The following ST6GALNAC3 variants were observed in gnomAD, a reference collection of about 807,000 sequenced individuals.
ST6GALNAC3 encodes the protein alpha-N-acetylgalactosaminide alpha-2,6-sialyltransferase 3.
ST6GALNAC3 carries 25 observed loss-of-function variants against 32.7 expected under a neutral mutation model. That is an observed-to-expected ratio of 0.76 (90% CI 0.56 to 1.07). ST6GALNAC3 has a LOEUF of 1.07. ST6GALNAC3 is among the 50% of genes least tolerant of loss of function. The pLI, the probability that ST6GALNAC3 is intolerant of heterozygous loss-of-function variation, is 0.00. For synonymous variants in ST6GALNAC3, 129 were observed against 133.1 expected, an observed-to-expected ratio of 0.97 and a Z score of 0.21; for missense variants, 355 against 382.4, an observed-to-expected ratio of 0.93 and a Z score of 0.60.
At chr1:76,406,724 A>T (rs953268648) in intron 2 of ST6GALNAC3, among the ~76,000 whole-genome samples, 1 of 151,984 alleles carries the variant, frequency 6.6e-6, no homozygotes, top group Non-Finnish European at 1.5e-5. Context: ...GAAAATCAGT[A>T]ATAATTATTT....
intron 3 of ST6GALNAC3, among the ~76,000 whole-genome samples, chr1:76,444,427 A>G (rs961514382): frequency 2.6e-5 from 4 of 152,248 alleles, no homozygotes; most frequent in African/African-American, 9.6e-5. Flanking sequence ...AGAGTACAGT[A>G]AACAACAGGC....
intron 1 of ST6GALNAC3, among the ~76,000 whole-genome samples, chr1:76,199,344 C>A (rs1654394639): frequency 6.6e-6 from 1 of 152,214 alleles, no homozygotes; most frequent in South Asian, 2.1e-4. Context: ...GGAGACACAT[C>A]TTTCTAGGCA....
At chr1:76,417,117 A>C (rs1468576829) in intron 3 of ST6GALNAC3, among the ~76,000 whole-genome samples, 2 of 152,008 alleles carry the variant, frequency 1.3e-5, no homozygotes, top group Non-Finnish European at 2.9e-5. Context: ...TGGCTTGTCA[A>C]TTAGACAGGG....
At chr1:76,400,826 C>T (rs924704323) in intron 2 of ST6GALNAC3, among the ~76,000 whole-genome samples, 3 of 149,114 alleles carry the variant, frequency 2.0e-5, no homozygotes, top group Non-Finnish European at 2.9e-5. Flanking sequence ...ACCTGGGAGG[C>T]AGAGGCTGCA....
At chr1:76,179,083 A>G (rs972542099) in intron 1 of ST6GALNAC3, among the ~76,000 whole-genome samples, 2 of 152,060 alleles carry the variant, frequency 1.3e-5, no homozygotes, top group Non-Finnish European at 2.9e-5. Context: ...TGGTACCAGA[A>G]CCTTTACTTT....
chr1:76,138,296 T>C (rs1303306310), intron 1 of ST6GALNAC3, among the ~76,000 whole-genome samples: 1 of 152,164 alleles, frequency 6.6e-6, no homozygotes, highest in Non-Finnish European at 1.5e-5. Context: ...CCCTTAGTGC[T>C]TTTGTGAGGT....
intron 3 of ST6GALNAC3, among the ~76,000 whole-genome samples, chr1:76,584,571 T>C (rs1341666893): frequency 6.6e-6 from 1 of 152,228 alleles, no homozygotes; most frequent in Non-Finnish European, 1.5e-5. Context: ...ATGCATTAGG[T>C]ATCTCTGATT....
At chr1:76,411,200 A>G (rs1415575752) in intron 2 of ST6GALNAC3, among the ~76,000 whole-genome samples, 1 of 152,150 alleles carries the variant, frequency 6.6e-6, no homozygotes, top group East Asian at 1.9e-4. Flanking sequence ...GTGGGCTTAG[A>G]GTTAGACGAT....
chr1:76,438,251 G>A (rs925725755), intron 3 of ST6GALNAC3, among the ~76,000 whole-genome samples: 5 of 151,060 alleles, frequency 3.3e-5, no homozygotes, highest in South Asian at 2.1e-4. Flanking sequence ...TCCCGGGTTC[G>A]CGCCATTCTC....
chr1:76,618,948 A>G (rs567858337), intron 3 of ST6GALNAC3, among the ~76,000 whole-genome samples: 5 of 152,180 alleles, frequency 3.3e-5, no homozygotes, highest in African/African-American at 4.8e-5. Flanking sequence ...TAGCACAGAA[A>G]GGTTGCGAGA....
chr1:76,306,749 C>T (rs1483816344), intron 1 of ST6GALNAC3, among the ~76,000 whole-genome samples: 2 of 151,126 alleles, frequency 1.3e-5, no homozygotes, highest in African/African-American at 4.9e-5. Flanking sequence ...TATCAGATGA[C>T]ATGATAAGAG....
chr1:76,199,279 A>C (rs17668894), intron 1 of ST6GALNAC3, among the ~76,000 whole-genome samples: 12,771 of 152,252 alleles, frequency 0.084, 590 homozygotes, highest in African/African-American at 0.12. Flanking sequence ...AGATGCTGTA[A>C]CTTAAAAGGA....
chr1:76,119,872 A>G (rs1446296695), intron 1 of ST6GALNAC3, among the ~76,000 whole-genome samples: 3 of 111,628 alleles, frequency 2.7e-5, no homozygotes, highest in Non-Finnish European at 5.9e-5. Context: ...CTTAACTGGC[A>G]GGTCCGTGGG....
At chr1:76,453,723 C>T (rs1657569609) in intron 3 of ST6GALNAC3, among the ~76,000 whole-genome samples, 1 of 152,114 alleles carries the variant, frequency 6.6e-6, no homozygotes, top group African/African-American at 2.4e-5. Flanking sequence ...GAGAATGTTC[C>T]ATGTGCTGAT....
At chr1:76,207,518 G>C (rs571319778) in intron 1 of ST6GALNAC3, among the ~76,000 whole-genome samples, 112 of 152,324 alleles carry the variant, frequency 7.4e-4, no homozygotes, top group African/African-American at 2.7e-3. Flanking sequence ...TAAAAGCATG[G>C]CACTGGCATC....
chr1:76,477,196 G>A (rs1160018182), intron 3 of ST6GALNAC3, among the ~76,000 whole-genome samples: 1 of 150,930 alleles, frequency 6.6e-6, no homozygotes, highest in African/African-American at 2.4e-5. Context: ...GATAACTGGA[G>A]ACTAGATCAC....
chr1:76,187,432 A>G (rs1653625733), intron 1 of ST6GALNAC3, among the ~76,000 whole-genome samples: 1 of 152,226 alleles, frequency 6.6e-6, no homozygotes, highest in Non-Finnish European at 1.5e-5. Context: ...TGTACCCTCC[A>G]GATAAAGTAA....
chr1:76,127,769 G>T (rs1003642625), intron 1 of ST6GALNAC3, among the ~76,000 whole-genome samples: 2 of 152,144 alleles, frequency 1.3e-5, no homozygotes, highest in African/African-American at 4.8e-5. Flanking sequence ...TAGGGAGGCA[G>T]TCTCATCTCT....
intron 3 of ST6GALNAC3, among the ~76,000 whole-genome samples, chr1:76,503,604 T>G (rs555112141): frequency 3.9e-5 from 6 of 152,298 alleles, no homozygotes; most frequent in African/African-American, 1.4e-4. Flanking sequence ...TCTAATAAGA[T>G]GTAGAGGAGA....
Sources: allele counts gnomAD v4.1 joint callset (sites outside exome capture counted in the v4.1 genomes callset), GRCh38; gene constraint gnomAD v4.1.1; transcripts MANE v1.5; gene names NCBI Gene and HGNC (gene_info 2026-07-23, HGNC 2026-07-21).